SLC24A2: variants seen among roughly 807,000 people sequenced by gnomAD.
SLC24A2 encodes sodium/potassium/calcium exchanger 2.
In SLC24A2, 36 loss-of-function variants were observed where a neutral mutation model predicts 62.0. That is an observed-to-expected ratio of 0.58 (90% CI 0.44 to 0.77). The LOEUF (loss-of-function observed/expected upper bound fraction) is 0.77, where lower values mean the gene tolerates loss of function less well. Among genes scored for constraint, SLC24A2 ranks in the 30% least tolerant of loss-of-function variants. The pLI is 0.00. For synonymous variants in SLC24A2, 358 were observed against 294.0 expected, an observed-to-expected ratio of 1.22 and a Z score of -2.23; for missense variants, 846 against 817.9, an observed-to-expected ratio of 1.03 and a Z score of -0.42.
chr9:20,304,323 G>A, the SLC24A2 span, among the ~76,000 whole-genome samples: 40 of 151,948 alleles, frequency 2.6e-4, no homozygotes, highest in Non-Finnish European at 4.1e-4. Context: ...GGCTTATAAA[G>A]CACAGAGGGA....
chr9:19,733,124 C>G (rs1163788695), intron 2 of SLC24A2, among the ~76,000 whole-genome samples: 1 of 150,668 alleles, frequency 6.6e-6, no homozygotes, highest in Non-Finnish European at 1.5e-5. Context: ...GAGCTACCTT[C>G]TGGATGGTAT....
intron 10 of SLC24A2, among the ~76,000 whole-genome samples, chr9:19,517,416 T>C (rs1203994134): frequency 6.6e-6 from 1 of 152,166 alleles, no homozygotes; most frequent in African/African-American, 2.4e-5. Context: ...TTTGAAACAT[T>C]ACATTCTTCA....
At chr9:19,646,797 GGTAT>G (rs1818648899) in intron 2 of SLC24A2, among the ~76,000 whole-genome samples, 1 of 151,878 alleles carries the variant, frequency 6.6e-6, no homozygotes, top group South Asian at 2.1e-4. Context: ...AATTTTCCCA[GGTAT>G]GTATTTCCCA....
intron 1 of SLC24A2, 195 bp downstream of exon 1, chr9:19,788,690 G>C: frequency 1.0e-6 from 1 of 985,242 alleles, no homozygotes; most frequent in Non-Finnish European, 1.2e-6. Context: ...GCAAGGGTAG[G>C]AGAGGCGGGG....
chr9:19,547,440 G>T (rs1040402291), intron 8 of SLC24A2, among the ~76,000 whole-genome samples: 1 of 152,154 alleles, frequency 6.6e-6, no homozygotes, highest in Non-Finnish European at 1.5e-5. Context: ...CATGACCCAC[G>T]TAACGACTGC....
chr9:20,212,155 C>A, the SLC24A2 span, among the ~76,000 whole-genome samples: 1 of 150,288 alleles, frequency 6.7e-6, no homozygotes, highest in African/African-American at 2.5e-5. Context: ...TGCATCTTCC[C>A]AAAATAGATA....
the SLC24A2 span, among the ~76,000 whole-genome samples, chr9:19,913,482 T>C: frequency 6.6e-6 from 1 of 152,036 alleles, no homozygotes; most frequent in Non-Finnish European, 1.5e-5. Flanking sequence ...TGGAATTGTG[T>C]CCTGAGGATA....
chr9:19,670,796 G>A (rs1017558618), intron 2 of SLC24A2, among the ~76,000 whole-genome samples: 94 of 152,244 alleles, frequency 6.2e-4, no homozygotes, highest in African/African-American at 2.1e-3. Flanking sequence ...TGCTGTCACT[G>A]CCTAGGTTAC....
At chr9:20,211,160 G>A in the SLC24A2 span, among the ~76,000 whole-genome samples, 1 of 151,970 alleles carries the variant, frequency 6.6e-6, no homozygotes, top group Non-Finnish European at 1.5e-5. Context: ...CCTGATTGGT[G>A]TTAGCACTAG....
At chr9:20,172,904 T>C in the SLC24A2 span, among the ~76,000 whole-genome samples, 1 of 151,534 alleles carries the variant, frequency 6.6e-6, no homozygotes, top group Non-Finnish European at 1.5e-5. Flanking sequence ...CAGACCAATA[T>C]CTTAATGAAC....
chr9:19,788,813 G>A, intron 1 of SLC24A2, 72 bp downstream of exon 1: 5 of 985,430 alleles, frequency 5.1e-6, no homozygotes, highest in Non-Finnish European at 4.8e-6. Flanking sequence ...AACGGGATGC[G>A]CGCAACCGGG....
upstream of SLC24A2, among the ~76,000 whole-genome samples, chr9:19,792,536 C>CAAAAAAAAAAAAAAAAAA (rs1165695410): frequency 2.7e-5 from 2 of 74,612 alleles, no homozygotes; most frequent in Non-Finnish European, 5.2e-5. Flanking sequence ...ACTAAAAATA[C>CAAAAAAAAAAAAAAAAAA]AAAAAAAAAA....
the SLC24A2 span, among the ~76,000 whole-genome samples, chr9:20,092,485 T>C: frequency 2.1e-4 from 32 of 152,252 alleles, no homozygotes; most frequent in African/African-American, 7.2e-4. Flanking sequence ...ATCATTAGTG[T>C]TAGTGTATTA....
chr9:19,969,188 C>CACACAG, the SLC24A2 span, among the ~76,000 whole-genome samples: 1 of 137,814 alleles, frequency 7.3e-6, no homozygotes, highest in East Asian at 2.0e-4. Flanking sequence ...CTTTGCCACA[C>CACACAG]ACACACACAC....
the SLC24A2 span, among the ~76,000 whole-genome samples, chr9:20,171,411 G>A: frequency 2.0e-5 from 3 of 151,976 alleles, no homozygotes; most frequent in East Asian, 5.8e-4. Context: ...CCACTTAAAA[G>A]GTACAGAATT....
At chr9:20,104,537 C>T in the SLC24A2 span, among the ~76,000 whole-genome samples, 2 of 152,114 alleles carry the variant, frequency 1.3e-5, no homozygotes, top group Non-Finnish European at 2.9e-5. Context: ...AGAGTGGGGG[C>T]CAATATTCAG....
At chr9:19,960,103 A>G in the SLC24A2 span, among the ~76,000 whole-genome samples, 3 of 152,212 alleles carry the variant, frequency 2.0e-5, no homozygotes, top group African/African-American at 7.2e-5. Context: ...TGAGGACAGA[A>G]GGAGTGGCTA....
the SLC24A2 span, among the ~76,000 whole-genome samples, chr9:20,176,466 A>G: frequency 6.6e-6 from 1 of 152,062 alleles, no homozygotes; most frequent in Non-Finnish European, 1.5e-5. Context: ...AAGGTTTTGG[A>G]GAGTAATAAA....
chr9:20,172,290 T>A, the SLC24A2 span, among the ~76,000 whole-genome samples: 373 of 151,908 alleles, frequency 2.5e-3, 5 homozygotes, highest in African/African-American at 8.4e-3. Context: ...CACCAGGAAC[T>A]AGAGAAACAA....
Sources: allele counts gnomAD v4.1 joint callset (sites outside exome capture counted in the v4.1 genomes callset), GRCh38; gene constraint gnomAD v4.1.1; transcripts MANE v1.5; gene names NCBI Gene and HGNC (gene_info 2026-07-23, HGNC 2026-07-21).